Variants in FBLN1 observed in about 807,000 individuals in gnomAD.
FBLN1 encodes fibulin 1.
FBLN1 carries 34 observed loss-of-function variants against 89.7 expected under a neutral mutation model. That is an observed-to-expected ratio of 0.38 (90% confidence interval 0.29 to 0.50). The LOEUF (loss-of-function observed/expected upper bound fraction) is 0.50. FBLN1 is among the 20% of genes least tolerant of loss of function. The probability of loss-of-function intolerance (pLI) is 0.92; values close to 1 mark genes in which losing one functional copy is unlikely to be tolerated. For synonymous variants in FBLN1, 393 were observed against 391.3 expected, an observed-to-expected ratio of 1.00 and a Z score of -0.05; for missense variants, 777 against 988.1, an observed-to-expected ratio of 0.79 and a Z score of 2.86.
intron 16 of FBLN1, among the ~76,000 whole-genome samples, chr22:45,596,091 G>T (rs1569270387): frequency 1.3e-5 from 2 of 152,146 alleles, no homozygotes; most frequent in South Asian, 2.1e-4. Context: ...GGATGGTCTT[G>T]ATCTCCTGAC....
At chr22:45,589,944 G>T (rs1375942739) in intron 16 of FBLN1, among the ~76,000 whole-genome samples, 2 of 152,178 alleles carry the variant, frequency 1.3e-5, no homozygotes, top group Non-Finnish European at 2.9e-5. Context: ...CCGGTTTGGG[G>T]TGTGTATTTC....
In FBLN1 at chr22:45,575,691, T is replaced by C. The variant is rs1340730111; in HGVS notation, c.1840+1038T>C. Among the ~76,000 whole-genome samples the C allele has an allele frequency of 1.3e-5, 2 of 152,124 alleles. No homozygotes were observed. Among genetic ancestry groups the C allele is most frequent in the Non-Finnish European group, 2.9e-5 (2 of 68,018 alleles). ...GCTCCTGGCATGCAGTGTAGTCATG[T>C]TGTGTAACCTGCCATCACTGCACCG... is the stretch of plus-strand genomic sequence containing the variant. On this transcript the variant is annotated intron_variant, in intron 15 of 16. Transcript: ENST00000327858. The surrounding 1 kb of genome is among the most constrained non-coding windows in gnomAD (Gnocchi z 6.3).
rs371726587 is a variant in FBLN1 at position 45,563,279 on chromosome 22, C to A, written c.1698-11232C>A. On this transcript the variant is annotated intron_variant, in intron 14 of 16. Transcript: ENST00000327858. This position sits in a 1 kb window ranked among gnomAD's most constrained non-coding sequence, Gnocchi z 5.7. ...TGCAGAGCTCTGAGCACTCGCTTCG[C>A]GTCGCGGGGTCTCCCTCCTGTTGCT... 3 of 1,613,310 alleles carry A rather than the reference C, an allele frequency of 1.9e-6. No individual in the cohort carries two copies. The African/African-American group carries it at 4.0e-5, about 22-fold the overall frequency.
intron 14 of FBLN1, among the ~76,000 whole-genome samples, chr22:45,570,319 CAAAA>C (rs761469854): frequency 3.4e-3 from 123 of 36,412 alleles, no homozygotes; most frequent in African/African-American, 8.8e-3. Flanking sequence ...GACTCTGTCT[CAAAA>C]AAAAAAAAAA....
rs189657323 is a variant in FBLN1, at chr22:45,555,015, C to T, written c.1697+4400C>T. On this transcript the variant is annotated intron_variant, in intron 14 of 16. Coordinates refer to ENST00000327858, the MANE Select transcript of FBLN1 (RefSeq NM_006486.3). ...GTCTCCACCACAGGAAGTTAGGACC[C>T]GTCCCCGTCTCCACCGCAGGAGGTT... Among the ~76,000 whole-genome samples, 762 of 150,732 alleles carry T rather than the reference C, an allele frequency of 5.1e-3. 2 individuals are homozygous for T. The highest frequency in any genetic ancestry group is 7.1e-3 in the Non-Finnish European group (478 of 67,608).
rs754679738 is a variant in FBLN1, at chr22:45,563,083, C to G, written c.1698-11428C>G. Reference sequence around the variant, plus strand: ...ACAGCATGCAGCTGGCCATCACCGGCGGCAATGAGGAGGGCTTTTTCACCA... The same window carrying G: ...ACAGCATGCAGCTGGCCATCACCGGGGGCAATGAGGAGGGCTTTTTCACCA... On this transcript the variant is annotated intron_variant, in intron 14 of 16. Coordinates refer to ENST00000327858, the MANE Select transcript of FBLN1 (RefSeq NM_006486.3). This position sits in a 1 kb window ranked among gnomAD's most constrained non-coding sequence, Gnocchi z 5.7. 6 of 1,613,334 alleles carry G rather than the reference C, an allele frequency of 3.7e-6. No individual in the cohort carries two copies. Among genetic ancestry groups the G allele is most frequent in the Non-Finnish European group, 4.2e-6 (5 of 1,180,018 alleles).
intron 14 of FBLN1, among the ~76,000 whole-genome samples, chr22:45,570,706 C>T (rs2088946265): frequency 6.6e-6 from 1 of 152,120 alleles, no homozygotes; most frequent in Non-Finnish European, 1.5e-5. Context: ...CTCAAGAAAA[C>T]TTTCCATAAA....
chr22:45,526,944 A>C (rs1192389509), intron 3 of FBLN1, among the ~76,000 whole-genome samples: 2 of 152,200 alleles, frequency 1.3e-5, no homozygotes, highest in African/African-American at 2.4e-5. Context: ...AGAACATTCT[A>C]GCAGGAGTGG....
intron 8 of FBLN1, 122 bp downstream of exon 8, chr22:45,535,459 T>A (rs567008080): frequency 8.6e-7 from 1 of 1,163,968 alleles, no homozygotes; most frequent in African/African-American, 1.5e-5. Context: ...GGCAAACTTT[T>A]TGTGTAAAGG....
intron 14 of FBLN1, among the ~76,000 whole-genome samples, chr22:45,555,753 G>T (rs2088780355): frequency 6.6e-6 from 1 of 152,102 alleles, no homozygotes; most frequent in South Asian, 2.1e-4. Flanking sequence ...CATCTCCTGA[G>T]ATCATACATA....
At chr22:45,523,045 CAG>C (rs2088271616) in intron 2 of FBLN1, 2 of 664,172 alleles carry the variant, frequency 3.0e-6, no homozygotes, top group Admixed American at 2.1e-5. Context: ...GTGGGGGAAA[CAG>C]GGAGGCATAG....
intron 2 of FBLN1, among the ~76,000 whole-genome samples, chr22:45,519,323 A>G (rs939416882): frequency 6.6e-6 from 1 of 152,150 alleles, no homozygotes; most frequent in African/African-American, 2.4e-5. Context: ...GTGTAAGCTT[A>G]GAATAAATAA....
At chr22:45,509,463 A>T (rs2088068959) in intron 1 of FBLN1, among the ~76,000 whole-genome samples, 1 of 152,020 alleles carries the variant, frequency 6.6e-6, no homozygotes, top group African/African-American at 2.4e-5. Context: ...TGTGTTGGGG[A>T]TGGGGCCAGG....
intron 2 of FBLN1, among the ~76,000 whole-genome samples, chr22:45,522,367 A>T (rs997916143): frequency 6.6e-6 from 1 of 152,170 alleles, no homozygotes; most frequent in Non-Finnish European, 1.5e-5. Flanking sequence ...ACAAATCTTT[A>T]TTGGTTCTTG....
intron 16 of FBLN1, among the ~76,000 whole-genome samples, chr22:45,592,472 C>T (rs886701726): frequency 5.3e-5 from 8 of 152,100 alleles, no homozygotes; most frequent in Admixed American, 2.6e-4. Context: ...GGATTATAGG[C>T]GCCTGCCACC....
intron 14 of FBLN1, chr22:45,564,994 G>A (rs1224515165): frequency 2.5e-6 from 4 of 1,613,770 alleles, no homozygotes; most frequent in Middle Eastern, 3.3e-4. Context: ...GATGCCTAGT[G>A]AGGAAGATGG....
chr22:45,503,133 G>T lies in FBLN1; in HGVS notation c.79+69G>T, dbSNP rs531001154. ...CCCCTCGGCCTCGCGCTCCCTGCGA[G>T]TTTCGGAACCACGGGGACTCGGAGT... On this transcript the variant is annotated intron_variant, in intron 1 of 16. Transcript: ENST00000327858. 1.0e-4 allele frequency: 111 copies of T among 1,077,632 alleles called. No individual in the cohort carries two copies. In the African/African-American group the frequency reaches 1.5e-3, roughly 15 times the overall value. 66.8% of individuals were successfully genotyped at this position (1,077,632 alleles called of 1,614,324 possible). A position where few individuals can be genotyped will look rare whatever the true frequency, so the allele number is the denominator to read the frequency against.
chr22:45,550,475 T>C lies in FBLN1; in HGVS notation c.1574-17T>C. ...GCAGCCTCTGCCTTCACTGTGCTGC[T>C]GTGGGGTCTCTTGCAGACATTGATG... On this transcript the variant is annotated splice_polypyrimidine_tract_variant and intron_variant, in intron 13 of 16. Transcript: ENST00000327858. This position sits in a 1 kb window ranked among gnomAD's most constrained non-coding sequence, Gnocchi z 8.4. 1 of 1,613,878 alleles carries C rather than the reference T, an allele frequency of 6.2e-7. No individual in the cohort carries two copies. The highest frequency in any genetic ancestry group is 8.5e-7 in the Non-Finnish European group (1 of 1,179,988).
chr22:45,508,137 C>T (rs1373611342), intron 1 of FBLN1, among the ~76,000 whole-genome samples: 2 of 152,106 alleles, frequency 1.3e-5, no homozygotes, highest in East Asian at 3.9e-4. Context: ...CATTGTCCCC[C>T]TCATCAATGA....
Sources: gnomAD v4.1 joint callset for allele counts (sites outside exome capture counted in the v4.1 genomes callset) on GRCh38, gnomAD v4.1.1 for gene constraint, Gnocchi (gnomAD v3.1) non-coding constraint, MANE v1.5 for transcripts, NCBI Gene and HGNC (gene_info 2026-07-23, HGNC 2026-07-21) for gene names.